The following AP4S1 variants were observed in gnomAD, a reference collection of about 807,000 sequenced individuals.
AP4S1 encodes adaptor related protein complex 4 subunit sigma 1.
AP4S1 carries 23 observed loss-of-function variants against 19.8 expected under a neutral mutation model. The observed-to-expected ratio is 1.16, with a 90% CI of 0.84 to 1.65. The LOEUF (loss-of-function observed/expected upper bound fraction) is 1.65. Among genes scored for constraint, AP4S1 ranks in the 40% most tolerant of loss-of-function variants. AP4S1 has a pLI of 0.00. For missense variants in AP4S1, 166 were observed against 172.8 expected (o/e 0.96, Z 0.22); for synonymous variants, 46 against 54.1 (o/e 0.85, Z 0.66).
Position 31,092,829 on chromosome 14 carries a change from A to G in AP4S1, c.307-78A>G. 3.7e-6 allele frequency: 4 copies of G among 1,095,598 alleles called. No homozygotes were observed. In the South Asian group the frequency reaches 7.3e-5, roughly 20 times the overall value. 67.9% of individuals were successfully genotyped at this position (1,095,598 alleles called of 1,614,324 possible). On this transcript the variant is annotated intron_variant, in intron 5 of 5. Coordinates refer to ENST00000542754, the MANE Select transcript of AP4S1 (RefSeq NM_001128126.3). ...GCTTAGGCTAATTTACACTGGGAAC[A>G]CTCTAGGTTAAGCCATAAATTTTTA...
chr14:31,069,772 A>T, intron 2 of AP4S1, 71 bp from the exon 3 acceptor site: 1 of 1,133,260 alleles, frequency 8.8e-7, no homozygotes. Context: ...CAGAACCTAG[A>T]ACTTACGCAT....
At chr14:31,065,716 A>G (rs142765914) in intron 1 of AP4S1, among the ~76,000 whole-genome samples, 1,537 of 152,128 alleles carry the variant, frequency 0.01, 31 homozygotes, top group African/African-American at 0.034. Flanking sequence ...GCTGGAGTGC[A>G]GTGGCGCAAT....
intron 1 of AP4S1, among the ~76,000 whole-genome samples, chr14:31,056,106 A>G (rs1336095424): frequency 6.6e-6 from 1 of 151,950 alleles, no homozygotes; most frequent in South Asian, 2.1e-4. Context: ...CGGCCTCCCA[A>G]AGTGCTAGGA....
At chr14:31,057,242 A>T (rs181934167) in intron 1 of AP4S1, among the ~76,000 whole-genome samples, 3 of 152,318 alleles carry the variant, frequency 2.0e-5, no homozygotes, top group Non-Finnish European at 4.4e-5. Context: ...TGAAGGGAAT[A>T]CACCTCAGGG....
At chr14:31,073,460 A>C (rs192362058) in intron 4 of AP4S1, among the ~76,000 whole-genome samples, 2 of 146,284 alleles carry the variant, frequency 1.4e-5, no homozygotes, top group Non-Finnish European at 3.0e-5. Flanking sequence ...ACTGCACTCC[A>C]GCCTGGGCAA....
At position 31,080,557 on chromosome 14, in the gene AP4S1, T is replaced by C. The variant is rs202247354; in HGVS notation, c.295-16T>C. The C allele has an allele frequency of 8.7e-5, 140 of 1,605,310 alleles. 1 individual carries two copies. In the East Asian group the frequency reaches 3.0e-3, roughly 34 times the overall value. ...TGTCTTTTTTCTAACCCTTGCACTC[T>C]TTTTCTGTCTTCCAGAGTGAATTAG... On this transcript the variant is annotated splice_polypyrimidine_tract_variant and intron_variant, in intron 4 of 5. Transcript: ENST00000542754.
intron 1 of AP4S1, among the ~76,000 whole-genome samples, chr14:31,034,413 C>T (rs115696722): frequency 0.023 from 3,519 of 152,050 alleles, 137 homozygotes; most frequent in African/African-American, 0.08. Flanking sequence ...TTTATAGTTT[C>T]GTAACAATTG....
intron 1 of AP4S1, among the ~76,000 whole-genome samples, chr14:31,049,428 A>AT (rs1555331101): frequency 5.7e-4 from 33 of 57,732 alleles, no homozygotes; most frequent in East Asian, 3.5e-3. Context: ...AAAAAAAAAA[A>AT]ATATATATAT....
Position 31,096,057 on chromosome 14 carries a change from C to T in AP4S1, c.*3022C>T, listed in dbSNP as rs1165251963. ...TTGAGATCGAGATTGTGCCACTGCA[C>T]TCCAGCCTGGGCACAGAGTGAGATT... On this transcript the variant is annotated 3_prime_UTR_variant, in exon 6 of 6. Transcript: ENST00000542754. 2 of 145,942 alleles carry T rather than the reference C, an allele frequency of 1.4e-5. No individual in the cohort carries two copies. Among genetic ancestry groups the T allele is most frequent in the African/African-American group, 5.1e-5 (2 of 39,070 alleles). The allele number at this position is 145,942 out of a possible 1,614,324, so 9.0% of individuals were successfully genotyped here.
At chr14:31,072,468 T>G (rs1347554785) in intron 3 of AP4S1, among the ~76,000 whole-genome samples, 1 of 151,844 alleles carries the variant, frequency 6.6e-6, no homozygotes, top group Non-Finnish European at 1.5e-5. Context: ...ACTCCTGGGG[T>G]CAAGCCATCC....
At chr14:31,090,247 A>G (rs1888041872) in intron 5 of AP4S1, among the ~76,000 whole-genome samples, 1 of 152,092 alleles carries the variant, frequency 6.6e-6, no homozygotes, top group Admixed American at 6.6e-5. Context: ...CAGCCTCCCA[A>G]AGTGCTGGGA....
chr14:31,079,961 A>C (rs570947298), intron 4 of AP4S1, among the ~76,000 whole-genome samples: 1 of 152,314 alleles, frequency 6.6e-6, no homozygotes, highest in East Asian at 1.9e-4. Context: ...CTGTAGCTGT[A>C]TAACCACATA....
intron 1 of AP4S1, among the ~76,000 whole-genome samples, chr14:31,051,547 A>C (rs1404696390): frequency 6.6e-6 from 1 of 152,190 alleles, no homozygotes; most frequent in East Asian, 1.9e-4. Context: ...ATCTATTTAG[A>C]TGTTCACTTT....
chr14:31,026,201 G>C (rs1169132678), intron 1 of AP4S1: 30 of 1,405,572 alleles, frequency 2.1e-5, no homozygotes, highest in Non-Finnish European at 2.7e-5. Flanking sequence ...GTGGGGCCCC[G>C]GCCGGGGCGC....
rs1287632920 is a variant in AP4S1, at chr14:31,025,673, G to C, written c.-186G>C. The C allele has an allele frequency of 3.1e-6, 2 of 650,084 alleles. No homozygotes were observed. The highest frequency in any genetic ancestry group is 5.0e-6 in the Non-Finnish European group (2 of 399,012). 40.3% of individuals were successfully genotyped at this position (650,084 alleles called of 1,614,324 possible). ...TACTAAAAGCCAAAATGGCTGCCCC[G>C]AGGAGGCCCGCACCGCGTAGCCAGT... On this transcript the variant is annotated 5_prime_UTR_variant, in exon 1 of 6. Coordinates refer to ENST00000542754, the MANE Select transcript of AP4S1 (RefSeq NM_001128126.3).
chr14:31,040,108 G>C (rs562505489), intron 1 of AP4S1, among the ~76,000 whole-genome samples: 18 of 149,434 alleles, frequency 1.2e-4, no homozygotes, highest in Non-Finnish European at 2.2e-4. Flanking sequence ...CAGTCAACTT[G>C]TCAGAGATAT....
intron 1 of AP4S1, among the ~76,000 whole-genome samples, chr14:31,058,645 A>G (rs1258829765): frequency 1.3e-5 from 2 of 151,028 alleles, no homozygotes; most frequent in Non-Finnish European, 2.9e-5. Flanking sequence ...ATAGCTCACC[A>G]CTGCCTCCAA....
intron 5 of AP4S1, among the ~76,000 whole-genome samples, chr14:31,091,359 A>G (rs943791066): frequency 6.6e-6 from 1 of 152,070 alleles, no homozygotes; most frequent in Non-Finnish European, 1.5e-5. Flanking sequence ...GCCTTTCTAT[A>G]TATACCTGGC....
intron 1 of AP4S1, among the ~76,000 whole-genome samples, chr14:31,036,601 G>A (rs186559172): frequency 4.2e-4 from 64 of 152,292 alleles, no homozygotes; most frequent in Non-Finnish European, 6.6e-4. Flanking sequence ...CTTGCTCAGT[G>A]AAGGGCCTGT....
Sources: gnomAD v4.1 joint callset for allele counts (sites outside exome capture counted in the v4.1 genomes callset) on GRCh38, gnomAD v4.1.1 for gene constraint, MANE v1.5 for transcripts, NCBI Gene and HGNC (gene_info 2026-07-23, HGNC 2026-07-21) for gene names.